The following NREP variants were observed in gnomAD, a reference collection of about 807,000 sequenced individuals.
NREP encodes neuronal regeneration related protein.
NREP carries 5 observed loss-of-function variants against 8.6 expected under a neutral mutation model. The ratio of observed to expected loss-of-function variants is 0.58; its 90% CI spans 0.30 to 1.22. NREP has a LOEUF of 1.22. Among genes scored for constraint, NREP ranks in the 50% most tolerant of loss-of-function variants. The probability of loss-of-function intolerance (pLI) is 0.07; values close to 1 mark genes in which losing one functional copy is unlikely to be tolerated. For missense variants in NREP, 86 were observed against 82.5 expected, an observed-to-expected ratio of 1.04 and a Z score of -0.17; for synonymous variants, 27 against 28.0, an observed-to-expected ratio of 0.96 and a Z score of 0.11.
chr5:111,828,953 A>G (rs926542877), intron 2 of NREP, among the ~76,000 whole-genome samples: 9 of 152,134 alleles, frequency 5.9e-5, no homozygotes, highest in African/African-American at 2.2e-4. Flanking sequence ...ATGTGATACT[A>G]TGGGATCACA....
chr5:111,885,396 C>T (rs1440294079), intron 2 of NREP, among the ~76,000 whole-genome samples: 1 of 151,638 alleles, frequency 6.6e-6, no homozygotes, highest in African/African-American at 2.4e-5. Flanking sequence ...AATGGCCATA[C>T]TGCCCAAGGT....
intron 3 of NREP, chr5:111,734,078 G>C (rs1232580083): frequency 1.3e-5 from 2 of 152,206 alleles, no homozygotes; most frequent in Non-Finnish European, 2.9e-5. Flanking sequence ...GCATGTCTTT[G>C]TGTGAGACAA....
chr5:111,770,728 C>T (rs1274224592), intron 2 of NREP, among the ~76,000 whole-genome samples: 1 of 151,726 alleles, frequency 6.6e-6, no homozygotes, highest in African/African-American at 2.4e-5. Flanking sequence ...CGCCACCATG[C>T]CCAGCTAATT....
chr5:111,869,657 C>T (rs1361607781), intron 2 of NREP, among the ~76,000 whole-genome samples: 1 of 152,086 alleles, frequency 6.6e-6, no homozygotes. Context: ...AAAACGGAAT[C>T]ATGAGGATTC....
intron 2 of NREP, among the ~76,000 whole-genome samples, chr5:111,860,460 G>A (rs1753520648): frequency 6.6e-6 from 1 of 151,900 alleles, no homozygotes; most frequent in African/African-American, 2.4e-5. Context: ...CATTCCATTT[G>A]CACTTTATCC....
At chr5:111,796,158 G>A (rs534470862) in intron 2 of NREP, among the ~76,000 whole-genome samples, 38 of 152,222 alleles carry the variant, frequency 2.5e-4, no homozygotes, top group African/African-American at 8.7e-4. Context: ...TGCATTACTT[G>A]GCTGGTGACT....
At chr5:111,937,339 C>G (rs1755712034) in intron 2 of NREP, among the ~76,000 whole-genome samples, 1 of 152,112 alleles carries the variant, frequency 6.6e-6, no homozygotes, top group Non-Finnish European at 1.5e-5. Context: ...ACGTAGTATT[C>G]AAGCATGATT....
intron 2 of NREP, among the ~76,000 whole-genome samples, chr5:111,742,166 T>G (rs926333489): frequency 6.6e-6 from 1 of 152,190 alleles, no homozygotes; most frequent in African/African-American, 2.4e-5. Context: ...TCATATTTTA[T>G]TAATATTATG....
Position 111,842,800 on chromosome 5 carries a change from G to A in NREP, c.136-107293C>T, listed in dbSNP as rs181862950. Among the ~76,000 whole-genome samples the A allele has an allele frequency of 3.0e-4, 46 of 152,206 alleles. 1 individual carries two copies. The highest frequency in any genetic ancestry group is 2.0e-3 in the Admixed American group (31 of 15,292). Reference sequence around the variant, plus strand: ...CAACTTTTGCTTTTCTGAGAAAGTCGTTATCTCTCACTCCTTCATTGCTGA... The same window carrying A: ...CAACTTTTGCTTTTCTGAGAAAGTCATTATCTCTCACTCCTTCATTGCTGA... On this transcript the variant is annotated intron_variant, in intron 2 of 3. Transcript: ENST00000395634.
chr5:111,936,846 G>A (rs148062097), intron 2 of NREP, among the ~76,000 whole-genome samples: 6 of 152,166 alleles, frequency 3.9e-5, no homozygotes, highest in Non-Finnish European at 8.8e-5. Context: ...TTCTGAGTGG[G>A]CAGCTCTAGG....
chr5:111,828,294 G>C (rs914078812), intron 2 of NREP, among the ~76,000 whole-genome samples: 1 of 152,134 alleles, frequency 6.6e-6, no homozygotes, highest in Non-Finnish European at 1.5e-5. Flanking sequence ...ATCCCAAAGT[G>C]TTGGGATTAC....
intron 2 of NREP, among the ~76,000 whole-genome samples, chr5:111,939,538 T>C (rs1755773303): frequency 6.6e-6 from 1 of 152,080 alleles, no homozygotes; most frequent in Non-Finnish European, 1.5e-5. Context: ...TCTGTGATCA[T>C]TAGTGGTCAT....
chr5:111,917,574 T>C (rs1755097768), intron 2 of NREP, among the ~76,000 whole-genome samples: 1 of 152,166 alleles, frequency 6.6e-6, no homozygotes, highest in Non-Finnish European at 1.5e-5. Context: ...TCAATAAATG[T>C]AATCCATCAC....
At chr5:111,954,516 T>C (rs1343913761) in intron 2 of NREP, among the ~76,000 whole-genome samples, 1 of 152,154 alleles carries the variant, frequency 6.6e-6, no homozygotes, top group Admixed American at 6.6e-5. Context: ...AATAGATGCA[T>C]TTTGATACCA....
intron 2 of NREP, among the ~76,000 whole-genome samples, chr5:111,779,703 C>T (rs1451621957): frequency 2.0e-5 from 3 of 152,118 alleles, no homozygotes; most frequent in Non-Finnish European, 2.9e-5. Context: ...GAGAGTATAT[C>T]TTTCATATTT....
chr5:111,774,269 G>A (rs78203798), intron 2 of NREP, among the ~76,000 whole-genome samples: 3 of 137,732 alleles, frequency 2.2e-5, no homozygotes, highest in Admixed American at 7.0e-5. Context: ...GGGAGAGAAG[G>A]AGGGAGAGAA....
In NREP at chr5:111,798,451, T is replaced by C. The variant is rs552911644; in HGVS notation, c.136-62944A>G. 3.3e-5 allele frequency among the ~76,000 whole-genome samples: 5 copies of C among 152,220 alleles called. No homozygotes were observed. The South Asian group carries it at 1.0e-3, about 32-fold the overall frequency. ...TTCTTTAGTGGTGATCTCTGAGATT[T>C]TGGTGCACCCATCACCCGAGCAGTG... On this transcript the variant is annotated intron_variant, in intron 2 of 3. Coordinates refer to the NREP transcript ENST00000395634.
chr5:111,962,971 G>A (rs1756520908), intron 2 of NREP, among the ~76,000 whole-genome samples: 1 of 152,186 alleles, frequency 6.6e-6, no homozygotes, highest in Admixed American at 6.5e-5. Flanking sequence ...CATCCTTTTT[G>A]GACGGCAGAC....
intron 2 of NREP, among the ~76,000 whole-genome samples, chr5:111,855,986 C>G (rs950080227): frequency 2.0e-5 from 3 of 152,190 alleles, no homozygotes; most frequent in Non-Finnish European, 4.4e-5. Context: ...TGAGCATGGA[C>G]AGACCCTGGG....
Sources: allele counts gnomAD v4.1 joint callset (sites outside exome capture counted in the v4.1 genomes callset), GRCh38; gene constraint gnomAD v4.1.1; transcripts MANE v1.5; gene names NCBI Gene and HGNC (gene_info 2026-07-23, HGNC 2026-07-21).